Variants in IL1RAPL1 observed in about 807,000 individuals in gnomAD.
The protein encoded by IL1RAPL1 is interleukin-1 receptor accessory protein-like 1.
A neutral mutation model predicts 48.4 loss-of-function variants in IL1RAPL1; 3 were observed. The observed-to-expected ratio is 0.06, with a 90% CI of 0.03 to 0.16. IL1RAPL1 has a LOEUF of 0.16. IL1RAPL1 is among the 10% of genes least tolerant of loss of function. IL1RAPL1 has a pLI of 1.00. For missense variants in IL1RAPL1, 349 were observed against 530.6 expected (o/e 0.66, Z 3.36); for synonymous variants, 185 against 187.7 (o/e 0.99, Z 0.12).
chrX:28,781,214 T>C (rs185790910), intron 1 of IL1RAPL1, among the ~76,000 whole-genome samples: 2 of 110,963 alleles, frequency 1.8e-5, no homozygotes, highest in African/African-American at 6.5e-5. Context: ...CAAGATGTCA[T>C]CTGGGTCTTA....
At chrX:28,907,068 A>T (rs1601953598) in intron 2 of IL1RAPL1, among the ~76,000 whole-genome samples, 1 of 110,970 alleles carries the variant, frequency 9.0e-6, no homozygotes, top group Admixed American at 9.6e-5. Flanking sequence ...TTAGCTGTAA[A>T]TTTTTTGTGA....
chrX:29,857,018 C>G (rs1308233774), intron 6 of IL1RAPL1, among the ~76,000 whole-genome samples: 2 of 111,300 alleles, frequency 1.8e-5, no homozygotes, highest in African/African-American at 6.5e-5. Context: ...TCTGCAATGG[C>G]ATAGTTTCAT....
intron 2 of IL1RAPL1, among the ~76,000 whole-genome samples, chrX:28,840,918 G>A (rs1921354386): frequency 9.0e-6 from 1 of 110,830 alleles, no homozygotes; most frequent in Admixed American, 9.7e-5. Flanking sequence ...ATGGAAATAT[G>A]TTTTATATGT....
At chrX:29,783,059 T>C (rs377443245) in intron 6 of IL1RAPL1, among the ~76,000 whole-genome samples, 15 of 105,843 alleles carry the variant, frequency 1.4e-4, no homozygotes, top group East Asian at 1.2e-3. Flanking sequence ...CGCCTGCCAC[T>C]ACGCCCGGCT....
At chrX:29,178,876 T>A (rs1286660353) in intron 2 of IL1RAPL1, among the ~76,000 whole-genome samples, 2 of 112,031 alleles carry the variant, frequency 1.8e-5, no homozygotes, top group African/African-American at 3.2e-5. Context: ...TGCTTGTTTT[T>A]GTCAGGTTTG....
At chrX:29,117,950 T>C (rs748580227) in intron 2 of IL1RAPL1, among the ~76,000 whole-genome samples, 37 of 112,016 alleles carry the variant, frequency 3.3e-4, no homozygotes, top group African/African-American at 1.1e-3. Context: ...GTGATTTCAC[T>C]AGCATAAGAT....
At chrX:29,266,288 T>G (rs2147587275) in intron 2 of IL1RAPL1, among the ~76,000 whole-genome samples, 1 of 112,366 alleles carries the variant, frequency 8.9e-6, no homozygotes, top group East Asian at 2.8e-4. Flanking sequence ...AAAGAAATTT[T>G]ATTCCTGTGT....
At chrX:29,201,466 T>C (rs183742107) in intron 2 of IL1RAPL1, among the ~76,000 whole-genome samples, 5 of 111,676 alleles carry the variant, frequency 4.5e-5, no homozygotes, top group Non-Finnish European at 7.5e-5. Flanking sequence ...CTAAAGGCAA[T>C]TTACATTACC....
intron 5 of IL1RAPL1, among the ~76,000 whole-genome samples, chrX:29,503,402 G>T: frequency 9.1e-6 from 1 of 110,076 alleles, no homozygotes; most frequent in Middle Eastern, 4.7e-3. Context: ...TTTGTTTTTG[G>T]TTTGTTATTG....
intron 2 of IL1RAPL1, among the ~76,000 whole-genome samples, chrX:29,098,987 C>T (rs1299813681): frequency 9.0e-6 from 1 of 111,076 alleles, no homozygotes; most frequent in African/African-American, 3.3e-5. Flanking sequence ...CCTGTCTCTA[C>T]TAAAAATGCA....
chrX:29,864,585 A>G (rs1341638698), intron 6 of IL1RAPL1, among the ~76,000 whole-genome samples: 3 of 112,051 alleles, frequency 2.7e-5, no homozygotes, highest in African/African-American at 9.7e-5. Context: ...CTACTCTTGT[A>G]TGAAGAGGGT....
chrX:29,881,081 G>C (rs1408589450), intron 6 of IL1RAPL1, among the ~76,000 whole-genome samples: 1 of 110,733 alleles, frequency 9.0e-6, no homozygotes, highest in African/African-American at 3.3e-5. Flanking sequence ...TCACATCTGA[G>C]CTCCTTTTCT....
At chrX:29,370,977 C>T (rs1933535943) in intron 3 of IL1RAPL1, among the ~76,000 whole-genome samples, 2 of 109,557 alleles carry the variant, frequency 1.8e-5, no homozygotes, top group South Asian at 3.9e-4. Flanking sequence ...TTAGCATATC[C>T]ATCACCTCAA....
intron 1 of IL1RAPL1, among the ~76,000 whole-genome samples, chrX:28,778,693 C>T (rs905552334): frequency 9.0e-6 from 1 of 111,646 alleles, no homozygotes; most frequent in Non-Finnish European, 1.9e-5. Context: ...TTCTTGTCAC[C>T]AAATAAGTGT....
chrX:29,389,791 T>C (rs928783483), intron 3 of IL1RAPL1, among the ~76,000 whole-genome samples: 1 of 112,386 alleles, frequency 8.9e-6, no homozygotes, highest in Non-Finnish European at 1.9e-5. Context: ...GAATTTCAAA[T>C]GAGAAGGCAG....
rs759103945 is a variant in IL1RAPL1, at chrX:29,685,942, G to T, written c.778+17438G>T. 8.2e-5 allele frequency among the ~76,000 whole-genome samples: 9 copies of T among 109,368 alleles called. No homozygotes were observed. In the South Asian group the frequency reaches 3.6e-3, roughly 44 times the overall value. 95.0% of individuals were successfully genotyped at this position (109,368 alleles called of 115,157 possible). On this transcript the variant is annotated intron_variant, in intron 6 of 10. Coordinates refer to ENST00000378993, the MANE Select transcript of IL1RAPL1 (RefSeq NM_014271.4). Reference sequence around the variant, plus strand: ...GGAGGTTGCAGTGAGCCAAGATCATGCCATTGCACCCCAGCCTGGGCAATA... The same window carrying T: ...GGAGGTTGCAGTGAGCCAAGATCATTCCATTGCACCCCAGCCTGGGCAATA...
chrX:28,832,966 C>A (rs1921106761), intron 2 of IL1RAPL1, among the ~76,000 whole-genome samples: 1 of 108,939 alleles, frequency 9.2e-6, no homozygotes, highest in Non-Finnish European at 1.9e-5. Flanking sequence ...TTTCAACCCT[C>A]CCTACCCCCT....
chrX:29,232,509 G>A lies in IL1RAPL1; in HGVS notation c.83-50429G>A, dbSNP rs183745177. ...ATACTCTGGAAGTTTTTAACAGTTC[G>A]TAACAAATGCCTTGGGCAGATTAGG... On this transcript the variant is annotated intron_variant, in intron 2 of 10. Transcript: ENST00000378993. Among the ~76,000 whole-genome samples, 424 of 112,068 alleles carry A rather than the reference G, an allele frequency of 3.8e-3. 3 individuals are homozygous for A. The highest frequency in any genetic ancestry group is 6.4e-3 in the Admixed American group (67 of 10,541).
rs371654027 is a variant in IL1RAPL1, at chrX:28,759,248, A to AT, written c.-24-30072_-24-30071insT. On this transcript the variant is annotated intron_variant, in intron 1 of 10. Transcript: ENST00000378993. ...AGTGAAACTCCATCTCAAAAAAAAA[A>AT]AATAATAATAATATACGTTGTCCTT... 7.8e-3 allele frequency among the ~76,000 whole-genome samples: 855 copies of AT among 109,872 alleles called. 10 individuals carry two copies. Among genetic ancestry groups the AT allele is most frequent in the African/African-American group, 0.026 (777 of 30,209 alleles).
Sources: allele counts gnomAD v4.1 joint callset (sites outside exome capture counted in the v4.1 genomes callset), GRCh38; gene constraint gnomAD v4.1.1; transcripts MANE v1.5; gene names NCBI Gene and HGNC (gene_info 2026-07-23, HGNC 2026-07-21).